WDFY3: variants seen among roughly 807,000 people sequenced by gnomAD.
The protein encoded by WDFY3 is WD repeat and FYVE domain-containing protein 3.
In WDFY3, 66 loss-of-function variants were observed where a neutral mutation model predicts 409.6. The observed-to-expected ratio is 0.16, with a 90% confidence interval of 0.13 to 0.20. The LOEUF is 0.20. WDFY3 is among the 10% of genes least tolerant of loss of function. The pLI, the probability that WDFY3 is intolerant of heterozygous loss-of-function variation, is 1.00. For missense variants in WDFY3, 3,031 were observed against 4,298.1 expected, an observed-to-expected ratio of 0.71 and a Z score of 8.24; for synonymous variants, 1,521 against 1,537.1, an observed-to-expected ratio of 0.99 and a Z score of 0.25.
At chr4:84,965,765 G>A (rs1775584802) in intron 1 of WDFY3, 1 of 150,640 alleles carries the variant, frequency 6.6e-6, no homozygotes, top group Non-Finnish European at 1.5e-5. Context: ...GGCTCCGGGA[G>A]CTGAGACCCC....
intron 15 of WDFY3, 27 bp from the exon 16 acceptor site, chr4:84,803,494 G>GC: frequency 6.3e-7 from 1 of 1,581,868 alleles, no homozygotes; most frequent in Non-Finnish European, 8.6e-7. Flanking sequence ...AGTAAATTTG[G>GC]TATTGAATTC....
chr4:84,692,859 C>G, intron 59 of WDFY3, 26 bp downstream of exon 59: 5 of 1,569,682 alleles, frequency 3.2e-6, no homozygotes, highest in Non-Finnish European at 4.3e-6. Flanking sequence ...AATCATTAAT[C>G]AAAAGTTTAT....
At chr4:84,702,328 A>C in intron 56 of WDFY3, 25 bp downstream of exon 56, 1 of 1,575,262 alleles carries the variant, frequency 6.3e-7, no homozygotes, top group Non-Finnish European at 8.6e-7. Context: ...TAACATTCCT[A>C]AGACAGTGCC....
At chr4:84,903,049 C>T (rs1271281933) in intron 2 of WDFY3, among the ~76,000 whole-genome samples, 1 of 152,008 alleles carries the variant, frequency 6.6e-6, no homozygotes. Context: ...AATCAAATCA[C>T]GAAGAATATA....
intron 1 of WDFY3, among the ~76,000 whole-genome samples, chr4:84,945,325 G>T (rs1397690791): frequency 1.3e-5 from 2 of 152,196 alleles, no homozygotes; most frequent in East Asian, 3.9e-4. Context: ...CTACTTCTTA[G>T]CAGGTAAATT....
chr4:84,961,383 T>C (rs1329963461), intron 1 of WDFY3, among the ~76,000 whole-genome samples: 3 of 152,150 alleles, frequency 2.0e-5, no homozygotes, highest in Non-Finnish European at 4.4e-5. Flanking sequence ...GAATCTTTTT[T>C]TCCCTTTAAG....
chr4:84,870,699 GC>G (rs923520039), intron 3 of WDFY3, among the ~76,000 whole-genome samples: 4 of 152,056 alleles, frequency 2.6e-5, no homozygotes, highest in Admixed American at 2.6e-4. Context: ...TTCCACTCCA[GC>G]CCCTTTGCCT....
intron 6 of WDFY3, among the ~76,000 whole-genome samples, chr4:84,838,102 T>C (rs2150001327): frequency 6.6e-6 from 1 of 152,088 alleles, no homozygotes; most frequent in African/African-American, 2.4e-5. Flanking sequence ...ACATAGGAGG[T>C]TAGGCCATAT....
intron 23 of WDFY3, among the ~76,000 whole-genome samples, chr4:84,786,442 C>A (rs892145664): frequency 2.0e-5 from 3 of 152,070 alleles, no homozygotes; most frequent in Non-Finnish European, 4.4e-5. Flanking sequence ...ACATGTCCCC[C>A]TAGATTCAAA....
intron 1 of WDFY3, among the ~76,000 whole-genome samples, chr4:84,952,205 T>C (rs1478265535): frequency 6.6e-6 from 1 of 152,110 alleles, no homozygotes; most frequent in Admixed American, 6.5e-5. Flanking sequence ...AAAACACCTA[T>C]GCCAACCCAT....
In WDFY3 at chr4:84,696,719, G is replaced by T; in HGVS notation, c.8688+13C>A. The stretch of plus-strand genomic sequence containing the variant: ...TGAAATTCAACTTCAATTGTAAAAT[G>T]TACTTCCATTACCTCACGATGGACT... On this transcript the variant is annotated intron_variant, in intron 57 of 67. Coordinates refer to ENST00000295888, the MANE Select transcript of WDFY3 (RefSeq NM_014991.6). 6.2e-7 allele frequency: 1 copy of T among 1,611,320 alleles called. No individual in the cohort carries two copies. The highest frequency in any genetic ancestry group is 8.5e-7 in the Non-Finnish European group (1 of 1,178,062).
At chr4:84,914,048 G>T (rs1241581928) in intron 2 of WDFY3, among the ~76,000 whole-genome samples, 1 of 152,064 alleles carries the variant, frequency 6.6e-6, no homozygotes, top group Non-Finnish European at 1.5e-5. Flanking sequence ...TCTCCAGCTT[G>T]CTTTAAGAAT....
At position 84,696,198 on chromosome 4, in the gene WDFY3, T is replaced by C. The variant is rs188249245; in HGVS notation, c.8689-16A>G. On this transcript the variant is annotated splice_polypyrimidine_tract_variant and intron_variant, in intron 57 of 67. Coordinates refer to ENST00000295888, the MANE Select transcript of WDFY3 (RefSeq NM_014991.6). Reference sequence around the variant, plus strand: ...ACTCCAAAGCCTGTAATTTCAAACATAGGTTTAGTCACTGGCTGACTTCTA... The same window carrying C: ...ACTCCAAAGCCTGTAATTTCAAACACAGGTTTAGTCACTGGCTGACTTCTA... 4.9e-4 allele frequency: 793 copies of C among 1,613,060 alleles called. 3 individuals carry two copies. In the African/African-American group the frequency reaches 9.4e-3, roughly 19 times the overall value.
chr4:84,791,284 T>C (rs910232680), intron 21 of WDFY3, among the ~76,000 whole-genome samples: 16 of 152,194 alleles, frequency 1.1e-4, no homozygotes, highest in African/African-American at 3.6e-4. Context: ...TTATGCTAAA[T>C]GAAATAGCCA....
chr4:84,702,164 C>T (rs1035157840), intron 56 of WDFY3, among the ~76,000 whole-genome samples, 189 bp downstream of exon 56: 2 of 152,184 alleles, frequency 1.3e-5, no homozygotes, highest in Admixed American at 6.5e-5. Flanking sequence ...CCCACCACCA[C>T]GTCTGGCTAA....
intron 13 of WDFY3, among the ~76,000 whole-genome samples, chr4:84,811,083 T>C (rs1275939935): frequency 6.6e-6 from 1 of 152,140 alleles, no homozygotes; most frequent in Non-Finnish European, 1.5e-5. Flanking sequence ...CTGCAACCTC[T>C]ACCTCCTGGG....
chr4:84,876,599 G>A (rs922479370), intron 3 of WDFY3, among the ~76,000 whole-genome samples: 2 of 151,676 alleles, frequency 1.3e-5, no homozygotes, highest in African/African-American at 2.4e-5. Context: ...ATTCCCATTA[G>A]CAATAATTTT....
At chr4:84,816,720 T>C (rs1753353590) in intron 13 of WDFY3, among the ~76,000 whole-genome samples, 1 of 152,136 alleles carries the variant, frequency 6.6e-6, no homozygotes, top group Non-Finnish European at 1.5e-5. Flanking sequence ...ATATCATTTC[T>C]TATAATATCA....
intron 36 of WDFY3, among the ~76,000 whole-genome samples, chr4:84,748,468 T>G (rs530675619): frequency 6.6e-6 from 1 of 152,264 alleles, no homozygotes; most frequent in South Asian, 2.1e-4. Flanking sequence ...CACAATAATC[T>G]TGTAAGAGAG....
Sources: allele counts gnomAD v4.1 joint callset (sites outside exome capture counted in the v4.1 genomes callset), GRCh38; gene constraint gnomAD v4.1.1; transcripts MANE v1.5; gene names NCBI Gene and HGNC (gene_info 2026-07-23, HGNC 2026-07-21).